The following ATP2C1 variants were observed in gnomAD, a reference collection of about 807,000 sequenced individuals.
ATP2C1 encodes the protein ATPase secretory pathway Ca2+ transporting 1, also known as calcium-transporting ATPase type 2C member 1.
A neutral mutation model predicts 120.5 loss-of-function variants in ATP2C1; 31 were observed. The ratio of observed to expected loss-of-function variants is 0.26; its 90% CI spans 0.19 to 0.35. The LOEUF (loss-of-function observed/expected upper bound fraction) is 0.35, where lower values mean the gene tolerates loss of function less well. Among genes scored for constraint, ATP2C1 ranks in the 10% least tolerant of loss-of-function variants. ATP2C1 has a pLI of 1.00. For missense variants in ATP2C1, 731 were observed against 1,107.5 expected (o/e 0.66, Z 4.83); for synonymous variants, 351 against 358.7 (o/e 0.98, Z 0.24).
At chr3:130,917,972 T>A (rs755170891) in intron 2 of ATP2C1, among the ~76,000 whole-genome samples, 3 of 151,882 alleles carry the variant, frequency 2.0e-5, no homozygotes, top group Non-Finnish European at 4.4e-5. Context: ...TTTTGTAGAA[T>A]TTCTTTTTTT....
intron 1 of ATP2C1, chr3:130,868,064 C>G (rs2068258791): frequency 6.7e-6 from 1 of 149,122 alleles, no homozygotes; most frequent in African/African-American, 2.5e-5. Flanking sequence ...GCAACCACCC[C>G]GTCTGGGAAG....
chr3:130,918,972 A>G, intron 2 of ATP2C1: 1 of 386,776 alleles, frequency 2.6e-6, no homozygotes, highest in Non-Finnish European at 5.0e-6. Flanking sequence ...AGCCTGGGCA[A>G]CAGAGCAAGA....
intron 17 of ATP2C1, among the ~76,000 whole-genome samples, chr3:130,970,845 G>A (rs56187274): frequency 0.068 from 10,337 of 152,052 alleles, 1,130 homozygotes; most frequent in African/African-American, 0.23. Flanking sequence ...TCATATAAGT[G>A]GAAACATACA....
intron 11 of ATP2C1, 94 bp downstream of exon 11, chr3:130,956,273 C>CT (rs964823840): frequency 1.2e-4 from 87 of 705,652 alleles, no homozygotes; most frequent in African/African-American, 8.8e-4. Flanking sequence ...ATTGGCTTTT[C>CT]TTTTTTTTAT....
chr3:130,861,854 T>A (rs1576530517), intron 1 of ATP2C1, among the ~76,000 whole-genome samples: 1 of 152,304 alleles, frequency 6.6e-6, no homozygotes, highest in South Asian at 2.1e-4. Context: ...GAAATAAGTG[T>A]TTTTACCAAT....
intron 1 of ATP2C1, among the ~76,000 whole-genome samples, chr3:130,876,142 TTGTC>T (rs1228928541): frequency 1.3e-5 from 2 of 152,082 alleles, no homozygotes; most frequent in African/African-American, 4.8e-5. Context: ...ATAGTACCAC[TTGTC>T]TATTTTTATT....
chr3:130,889,322 A>C (rs2069087329), upstream of ATP2C1, among the ~76,000 whole-genome samples: 1 of 152,224 alleles, frequency 6.6e-6, no homozygotes, highest in South Asian at 2.1e-4. Flanking sequence ...TAATGAAATG[A>C]TGTTGAACAA....
At chr3:130,936,967 A>C (rs550678420) in intron 5 of ATP2C1, among the ~76,000 whole-genome samples, 3 of 152,260 alleles carry the variant, frequency 2.0e-5, no homozygotes, top group East Asian at 3.9e-4. Context: ...AGCTTTCTAG[A>C]AAGTCATATA....
intron 1 of ATP2C1, among the ~76,000 whole-genome samples, chr3:130,887,741 G>A (rs2069023289): frequency 6.6e-6 from 1 of 152,172 alleles, no homozygotes; most frequent in Admixed American, 6.5e-5. Context: ...CTTCCCTCTG[G>A]CCCAGGGAAG....
intron 18 of ATP2C1, among the ~76,000 whole-genome samples, chr3:130,978,204 A>G (rs2061608454): frequency 6.6e-6 from 1 of 152,170 alleles, no homozygotes; most frequent in Non-Finnish European, 1.5e-5. Flanking sequence ...AAGCCTTTGG[A>G]GCCCACATCT....
At chr3:130,964,806 A>G in intron 13 of ATP2C1, 142 bp from the exon 14 acceptor site, 1 of 615,172 alleles carries the variant, frequency 1.6e-6, no homozygotes, top group Non-Finnish European at 2.9e-6. Flanking sequence ...TAATGAGAGA[A>G]GTTAATCTAA....
chr3:130,990,353 G>T (rs2062269621), intron 20 of ATP2C1, among the ~76,000 whole-genome samples: 1 of 150,666 alleles, frequency 6.6e-6, no homozygotes, highest in Non-Finnish European at 1.5e-5. Flanking sequence ...ACTAGGGAGG[G>T]CCTCACTGAG....
chr3:130,996,869 T>A, intron 24 of ATP2C1, 73 bp downstream of exon 24: 1 of 1,060,846 alleles, frequency 9.4e-7, no homozygotes, highest in Non-Finnish European at 1.5e-6. Context: ...GTTTTAAAAC[T>A]TGATTTATGG....
intron 26 of ATP2C1, among the ~76,000 whole-genome samples, chr3:131,009,858 C>G (rs1227966122): frequency 6.6e-5 from 10 of 152,110 alleles, no homozygotes; most frequent in Admixed American, 2.0e-4. Flanking sequence ...TAAGACATTA[C>G]GAGATAAACA....
At chr3:130,985,992 T>G (rs1391037318) in intron 20 of ATP2C1, among the ~76,000 whole-genome samples, 4 of 152,130 alleles carry the variant, frequency 2.6e-5, no homozygotes, top group Non-Finnish European at 4.4e-5. Flanking sequence ...AGTTTAGACT[T>G]TAGGGATTTT....
At chr3:130,999,959 A>C (rs2062810208) in intron 27 of ATP2C1, among the ~76,000 whole-genome samples, 1 of 152,194 alleles carries the variant, frequency 6.6e-6, no homozygotes, top group African/African-American at 2.4e-5. Flanking sequence ...GTACTATGCC[A>C]TCTTGTATGA....
chr3:131,004,070 C>A (rs1490154318), downstream of ATP2C1, among the ~76,000 whole-genome samples: 2 of 152,122 alleles, frequency 1.3e-5, no homozygotes, highest in Non-Finnish European at 2.9e-5. Flanking sequence ...TGTAGGAGCC[C>A]ATGAACACAG....
chr3:130,969,509 A>G, intron 17 of ATP2C1, 113 bp downstream of exon 17: 1 of 779,552 alleles, frequency 1.3e-6, no homozygotes, highest in Admixed American at 2.0e-5. Context: ...TTGTTGCTTT[A>G]AAGTACATGT....
exon 27 of ATP2C1, chr3:131,016,308 C>G: frequency 6.2e-7 from 1 of 1,613,818 alleles, no homozygotes; most frequent in Non-Finnish European, 8.5e-7. Context: ...CATACAACAT[C>G]TTAGCACCAT....
Sources: allele counts gnomAD v4.1 joint callset (sites outside exome capture counted in the v4.1 genomes callset), GRCh38; gene constraint gnomAD v4.1.1; transcripts MANE v1.5; gene names NCBI Gene and HGNC (gene_info 2026-07-23, HGNC 2026-07-21).